Variants in CCDC73 observed in about 807,000 individuals in gnomAD.
CCDC73 encodes coiled-coil domain-containing protein 73.
A neutral mutation model predicts 116.5 loss-of-function variants in CCDC73; 95 were observed. That is an observed-to-expected ratio of 0.82 (90% CI 0.69 to 0.97). The LOEUF is 0.97. CCDC73 is among the 50% of genes least tolerant of loss of function. CCDC73 has a pLI of 0.00. For missense variants in CCDC73, 1,066 were observed against 1,206.8 expected (o/e 0.88, Z 1.73); for synonymous variants, 398 against 401.3 (o/e 0.99, Z 0.10).
At chr11:32,823,290 A>G in the CCDC73 span, among the ~76,000 whole-genome samples, 3 of 152,186 alleles carry the variant, frequency 2.0e-5, no homozygotes, top group Non-Finnish European at 4.4e-5. Flanking sequence ...CCTGACTAAC[A>G]TGGTGAAACC....
At chr11:32,719,295 G>A (rs1354453386) in intron 2 of CCDC73, among the ~76,000 whole-genome samples, 1 of 152,218 alleles carries the variant, frequency 6.6e-6, no homozygotes, top group Non-Finnish European at 1.5e-5. Context: ...TATTGAAGGT[G>A]TGCCTCAACA....
Position 32,614,587 on chromosome 11 carries a change from G to A in CCDC73, c.1731C>T (p.Asn577=). ...TGTGTGCTGTCTCATTTAAAATACT[G>A]TTAAATGATGTTTTGTTATTTTCAA... ...LEVENNKTSF[N]SILNETAHNT... The change falls in exon 16 of 18, where the codon AAC becomes AAT. Residue 577 remains asparagine, a synonymous_variant. Coordinates refer to ENST00000335185, the MANE Select transcript of CCDC73 (RefSeq NM_001008391.4). 1.2e-6 allele frequency: 2 copies of A among 1,605,382 alleles called. No homozygotes were observed. Among genetic ancestry groups the A allele is most frequent in the Non-Finnish European group, 8.5e-7 (1 of 1,172,618 alleles).
chr11:32,642,189 C>G (rs1855739743), intron 12 of CCDC73, 107 bp from the exon 13 acceptor site: 4 of 1,210,282 alleles, frequency 3.3e-6, no homozygotes, highest in Non-Finnish European at 4.2e-6. Flanking sequence ...AAGTGCCATA[C>G]AGATCAGTGA....
chr11:32,772,004 C>G (rs532362983), intron 1 of CCDC73, among the ~76,000 whole-genome samples: 6 of 152,288 alleles, frequency 3.9e-5, no homozygotes, highest in African/African-American at 1.4e-4. Flanking sequence ...TCCCAAATGT[C>G]CCAGCTGGGG....
intron 1 of CCDC73, among the ~76,000 whole-genome samples, chr11:32,774,721 A>G (rs1001240536): frequency 1.5e-4 from 23 of 152,364 alleles, no homozygotes; most frequent in African/African-American, 5.5e-4. Flanking sequence ...CAACTTAATT[A>G]TGTAAAACAA....
intron 12 of CCDC73, among the ~76,000 whole-genome samples, chr11:32,649,273 T>G (rs1338212175): frequency 6.6e-6 from 1 of 152,128 alleles, no homozygotes; most frequent in African/African-American, 2.4e-5. Context: ...TTCCAAAAAC[T>G]AACTAAATGA....
intron 2 of CCDC73, among the ~76,000 whole-genome samples, chr11:32,742,221 G>C (rs1209974328): frequency 6.6e-6 from 1 of 152,158 alleles, no homozygotes; most frequent in Non-Finnish European, 1.5e-5. Context: ...CTAGATCCTT[G>C]AGGAATCGCC....
chr11:32,813,101 T>A, the CCDC73 span, among the ~76,000 whole-genome samples: 3 of 152,210 alleles, frequency 2.0e-5, no homozygotes, highest in African/African-American at 7.2e-5. Context: ...ATTTTGAATA[T>A]CTTTGTTTGC....
chr11:32,686,435 A>C lies in CCDC73; in HGVS notation c.391-2861T>G, dbSNP rs531373873. 9.9e-5 allele frequency among the ~76,000 whole-genome samples: 15 copies of C among 151,678 alleles called. No individual in the cohort carries two copies. In the South Asian group the frequency reaches 2.7e-3, roughly 28 times the overall value. On this transcript the variant is annotated intron_variant, in intron 6 of 17. Coordinates refer to ENST00000335185, the MANE Select transcript of CCDC73 (RefSeq NM_001008391.4). ...GTACATTTAGAAGTCTTCTGTATGT[A>C]GATACCATTTTAAAGACACGAGCCT...
chr11:32,744,809 G>C (rs1481263099), intron 2 of CCDC73, among the ~76,000 whole-genome samples: 1 of 151,874 alleles, frequency 6.6e-6, no homozygotes, highest in African/African-American at 2.4e-5. Context: ...TTCTTCATTA[G>C]TCTTGCTAGC....
rs192283940 is a variant in CCDC73, at chr11:32,694,004, C to T, written c.390+5247G>A. 3.3e-5 allele frequency among the ~76,000 whole-genome samples: 5 copies of T among 152,340 alleles called. No individual in the cohort carries two copies. In the East Asian group the frequency reaches 9.6e-4, roughly 29 times the overall value. ...GAAGCATTCCCTTTGAAAACTGGCA[C>T]AAGACAGGGATGCCCTCTTTCACCA... On this transcript the variant is annotated intron_variant, in intron 6 of 17. Transcript: ENST00000335185.
intron 5 of CCDC73, among the ~76,000 whole-genome samples, chr11:32,700,485 T>C (rs1849802195): frequency 6.6e-6 from 1 of 152,194 alleles, no homozygotes; most frequent in Non-Finnish European, 1.5e-5. Flanking sequence ...GAACATTAAT[T>C]TGGGGCCTGA....
intron 9 of CCDC73, among the ~76,000 whole-genome samples, chr11:32,660,329 G>A (rs1489406996): frequency 6.6e-6 from 1 of 151,352 alleles, no homozygotes; most frequent in Non-Finnish European, 1.5e-5. Flanking sequence ...CCCCTCCAGG[G>A]CTGCTAACAG....
In CCDC73 at chr11:32,654,237, G is replaced by A. The variant is rs147564686; in HGVS notation, c.775-200C>T. 7.2e-3 allele frequency among the ~76,000 whole-genome samples: 1,095 copies of A among 152,208 alleles called. 17 individuals carry two copies. Among genetic ancestry groups the A allele is most frequent in the African/African-American group, 0.025 (1,046 of 41,530 alleles). ...CACCCAGTCTGGAGTGCAGTGGTGC[G>A]ATCTTGGCTCACTGCAACCTCCACC... is the stretch of plus-strand genomic sequence containing the variant. On this transcript the variant is annotated intron_variant, in intron 10 of 17. Transcript: ENST00000335185.
chr11:32,663,502 T>C (rs1369776199), intron 9 of CCDC73, among the ~76,000 whole-genome samples: 1 of 152,184 alleles, frequency 6.6e-6, no homozygotes, highest in Admixed American at 6.5e-5. Context: ...TGTATAAGGA[T>C]GCTTGTGATT....
the CCDC73 span, among the ~76,000 whole-genome samples, chr11:32,818,085 A>G: frequency 6.6e-6 from 1 of 152,124 alleles, no homozygotes; most frequent in Non-Finnish European, 1.5e-5. Context: ...CCTCTTCTTG[A>G]ATTTGTTCTC....
intron 9 of CCDC73, among the ~76,000 whole-genome samples, chr11:32,664,949 T>C (rs1246559798): frequency 2.6e-5 from 4 of 152,236 alleles, no homozygotes; most frequent in Non-Finnish European, 4.4e-5. Context: ...TTGTTCAGTT[T>C]CCATGTAGTT....
chr11:32,701,913 C>T (rs1307799471), intron 4 of CCDC73, among the ~76,000 whole-genome samples: 1 of 152,140 alleles, frequency 6.6e-6, no homozygotes, highest in East Asian at 1.9e-4. Context: ...AAACAAAGAA[C>T]CCAAGAGCAC....
intron 1 of CCDC73, among the ~76,000 whole-genome samples, chr11:32,782,282 T>C (rs1426055241): frequency 6.6e-6 from 1 of 152,212 alleles, no homozygotes; most frequent in Non-Finnish European, 1.5e-5. Flanking sequence ...TGTGCCTGAA[T>C]CATCCTGAAA....
Sources: allele counts gnomAD v4.1 joint callset (sites outside exome capture counted in the v4.1 genomes callset), GRCh38; gene constraint gnomAD v4.1.1; transcripts MANE v1.5; gene names NCBI Gene and HGNC (gene_info 2026-07-23, HGNC 2026-07-21).